Variants in PRKD1 observed in about 807,000 individuals in gnomAD.
PRKD1 encodes the protein serine/threonine-protein kinase D1.
Under a neutral mutation model 95.9 loss-of-function variants are expected in PRKD1, and 63 were observed. That is an observed-to-expected ratio of 0.66 (90% CI 0.54 to 0.81). PRKD1 has a LOEUF of 0.81. Ranked by LOEUF, PRKD1 falls within the 30% of genes least tolerant of loss-of-function variation. The probability of loss-of-function intolerance (pLI) is 0.00; values close to 1 mark genes in which losing one functional copy is unlikely to be tolerated. For synonymous variants in PRKD1, 425 were observed against 423.1 expected, an observed-to-expected ratio of 1.00 and a Z score of -0.05; for missense variants, 1,048 against 1,165.3, an observed-to-expected ratio of 0.90 and a Z score of 1.47.
At chr14:29,900,039 A>T (rs1227938462) in intron 1 of PRKD1, among the ~76,000 whole-genome samples, 2 of 152,154 alleles carry the variant, frequency 1.3e-5, no homozygotes, top group Non-Finnish European at 2.9e-5. Context: ...TTCCAGTATT[A>T]CTGTAAGTTT....
chr14:29,646,968 T>C (rs1299538497), intron 4 of PRKD1, among the ~76,000 whole-genome samples: 2 of 152,046 alleles, frequency 1.3e-5, no homozygotes, highest in Non-Finnish European at 2.9e-5. Flanking sequence ...GGTTGTTTGG[T>C]GGTATTCAGA....
chr14:29,927,326 G>T lies in PRKD1; in HGVS notation c.187C>A (p.Leu63Met). ...LQIGLSREPVLLLQDSSGDYS... is the reference protein window; with the variant it reads ...LQIGLSREPVMLLQDSSGDYS... ...TCCCCGGACGAGTCCTGCAGCAGCA[G>T]CACCGGCTCACGGCTCAGGCCGATC... Residue 63 changes from leucine to methionine, a missense_variant, in exon 1 of 18, where the codon CTG (leucine) becomes ATG (methionine). This residue lies in a region of PRKD1 where 275 missense variants were observed against 248.6 expected (regional missense o/e 1.11). Transcript: ENST00000331968. 1.3e-6 allele frequency: 2 copies of T among 1,562,218 alleles called. No homozygotes were observed. The highest frequency in any genetic ancestry group is 1.7e-6 in the Non-Finnish European group (2 of 1,156,210).
At chr14:29,927,165 G>A (rs2139151126) in intron 1 of PRKD1, 84 bp downstream of exon 1, 1 of 1,309,756 alleles carries the variant, frequency 7.6e-7, no homozygotes, top group East Asian at 3.4e-5. Context: ...CCGGGAGCCG[G>A]AAAGTTGGCG....
At chr14:29,605,964 A>G (rs1893688698) in intron 13 of PRKD1, among the ~76,000 whole-genome samples, 1 of 152,188 alleles carries the variant, frequency 6.6e-6, no homozygotes, top group Non-Finnish European at 1.5e-5. Context: ...GTTAGTCGGA[A>G]ATTTCAGGAG....
intron 1 of PRKD1, among the ~76,000 whole-genome samples, chr14:29,866,064 T>A (rs1892891516): frequency 6.6e-6 from 1 of 152,182 alleles, no homozygotes; most frequent in Non-Finnish European, 1.5e-5. Flanking sequence ...AAAGTACTGT[T>A]TTCAGCCATG....
At chr14:29,689,421 C>T (rs1323636401) in intron 2 of PRKD1, among the ~76,000 whole-genome samples, 2 of 152,034 alleles carry the variant, frequency 1.3e-5, no homozygotes, top group Non-Finnish European at 2.9e-5. Context: ...CCATCTCATG[C>T]CAGTCAGAAT....
At chr14:29,785,678 G>T (rs892530892) in intron 1 of PRKD1, among the ~76,000 whole-genome samples, 2 of 151,120 alleles carry the variant, frequency 1.3e-5, no homozygotes, top group African/African-American at 2.4e-5. Flanking sequence ...GTTGTGGGGT[G>T]GGGGGAAGGG....
At chr14:29,826,842 C>T (rs1334551024) in intron 1 of PRKD1, among the ~76,000 whole-genome samples, 2,499 of 19,658 alleles carry the variant, frequency 0.13, 531 homozygotes, top group Non-Finnish European at 0.17. Flanking sequence ...TATATATACA[C>T]ACATATATAT....
At chr14:29,799,886 TC>T (rs1479385811) in intron 1 of PRKD1, among the ~76,000 whole-genome samples, 1 of 152,174 alleles carries the variant, frequency 6.6e-6, no homozygotes, top group Non-Finnish European at 1.5e-5. Context: ...TCAACAGTGT[TC>T]TTTTCATGGT....
chr14:29,677,709 G>A (rs1883313324), intron 2 of PRKD1, among the ~76,000 whole-genome samples: 2 of 152,170 alleles, frequency 1.3e-5, no homozygotes, highest in South Asian at 4.1e-4. Flanking sequence ...CGAATAGCTG[G>A]GATTACAGAC....
intron 2 of PRKD1, among the ~76,000 whole-genome samples, chr14:29,687,576 G>A (rs1883955817): frequency 1.3e-5 from 2 of 152,172 alleles, no homozygotes; most frequent in South Asian, 4.1e-4. Context: ...CTGAATGTGG[G>A]CCGAACTTAC....
intron 1 of PRKD1, among the ~76,000 whole-genome samples, chr14:29,868,788 T>C (rs541161453): frequency 6.6e-6 from 1 of 152,256 alleles, no homozygotes; most frequent in East Asian, 1.9e-4. Flanking sequence ...CATGGAACAA[T>C]GAAACACTAG....
intron 1 of PRKD1, among the ~76,000 whole-genome samples, chr14:29,819,837 T>C (rs1186081400): frequency 6.6e-6 from 1 of 152,260 alleles, no homozygotes; most frequent in Non-Finnish European, 1.5e-5. Context: ...TTTGAAATTA[T>C]TTCCAGATGA....
intron 4 of PRKD1, among the ~76,000 whole-genome samples, chr14:29,655,470 C>T (rs1293327008): frequency 1.3e-5 from 2 of 152,058 alleles, no homozygotes; most frequent in African/African-American, 4.8e-5. Context: ...AGAATGGATA[C>T]TAATAATAAT....
chr14:29,717,875 A>C (rs2139373537), intron 2 of PRKD1, among the ~76,000 whole-genome samples: 1 of 152,248 alleles, frequency 6.6e-6, no homozygotes, highest in African/African-American at 2.4e-5. Flanking sequence ...CTTGATATTT[A>C]GGGGTGCTTG....
chr14:29,690,087 C>T (rs1252124210), intron 2 of PRKD1, among the ~76,000 whole-genome samples: 1 of 152,110 alleles, frequency 6.6e-6, no homozygotes, highest in African/African-American at 2.4e-5. Flanking sequence ...ATGTAACAAA[C>T]CTGCACATGC....
At chr14:29,585,552 A>G (rs1892892724) in intron 16 of PRKD1, among the ~76,000 whole-genome samples, 1 of 152,230 alleles carries the variant, frequency 6.6e-6, no homozygotes. Context: ...CAAAATTTAA[A>G]GAAGAAATCA....
intron 2 of PRKD1, among the ~76,000 whole-genome samples, chr14:29,707,957 C>T (rs1396236901): frequency 6.6e-6 from 1 of 152,134 alleles, no homozygotes; most frequent in East Asian, 1.9e-4. Flanking sequence ...TATCAATCTT[C>T]ATTAACTGCC....
chr14:29,864,431 T>C (rs997712715), intron 1 of PRKD1, among the ~76,000 whole-genome samples: 1 of 152,122 alleles, frequency 6.6e-6, no homozygotes, highest in African/African-American at 2.4e-5. Context: ...GACTTCTAAG[T>C]GTGTCCAAAG....
Sources: allele counts gnomAD v4.1 joint callset (sites outside exome capture counted in the v4.1 genomes callset), GRCh38; gene constraint gnomAD v4.1.1; regional missense constraint gnomAD v4.1.1; transcripts MANE v1.5; gene names NCBI Gene and HGNC (gene_info 2026-07-23, HGNC 2026-07-21).